Variants in AGBL4 observed in about 807,000 individuals in gnomAD.
AGBL4 encodes cytosolic carboxypeptidase 6.
In AGBL4, 58 loss-of-function variants were observed where a neutral mutation model predicts 66.4. That is an observed-to-expected ratio of 0.87 (90% confidence interval 0.71 to 1.09). The LOEUF is 1.09. AGBL4 is among the 50% of genes least tolerant of loss of function. AGBL4 has a pLI of 0.00. For missense variants in AGBL4, 579 were observed against 631.0 expected, an observed-to-expected ratio of 0.92 and a Z score of 0.88; for synonymous variants, 234 against 222.9, an observed-to-expected ratio of 1.05 and a Z score of -0.44.
intron 3 of AGBL4, among the ~76,000 whole-genome samples, chr1:49,446,714 T>C (rs1646165206): frequency 3.9e-5 from 6 of 152,158 alleles, no homozygotes; most frequent in Admixed American, 3.3e-4. Context: ...ACGATGACAG[T>C]AGCAGTGGTG....
chr1:49,681,003 A>G (rs982263033), intron 3 of AGBL4, among the ~76,000 whole-genome samples: 6 of 151,846 alleles, frequency 4.0e-5, no homozygotes, highest in African/African-American at 1.5e-4. Context: ...CATTCTATTG[A>G]GCACATTCAC....
intron 11 of AGBL4, chr1:48,585,375 C>CT (rs1168242597): frequency 6.6e-6 from 1 of 152,158 alleles, no homozygotes; most frequent in African/African-American, 2.4e-5. Context: ...GTCCCTTTGC[C>CT]ATAATATTAT....
At chr1:48,561,224 C>G (rs1401776137) in intron 11 of AGBL4, among the ~76,000 whole-genome samples, 1 of 151,978 alleles carries the variant, frequency 6.6e-6, no homozygotes, top group Non-Finnish European at 1.5e-5. Flanking sequence ...TTCTTTTATT[C>G]TTTTCTTTTT....
At chr1:50,009,561 G>A (rs1661376336) in intron 1 of AGBL4, among the ~76,000 whole-genome samples, 1 of 151,812 alleles carries the variant, frequency 6.6e-6, no homozygotes, top group African/African-American at 2.4e-5. Context: ...GTAGTATCAT[G>A]CTGAATAGGG....
intron 11 of AGBL4, among the ~76,000 whole-genome samples, chr1:48,574,778 GC>G (rs2148322373): frequency 6.6e-6 from 1 of 152,174 alleles, no homozygotes; most frequent in East Asian, 1.9e-4. Context: ...GTTGGCAGCT[GC>G]CTCCTCTTAT....
At chr1:49,949,421 G>A (rs1054738020) in intron 1 of AGBL4, among the ~76,000 whole-genome samples, 2 of 151,478 alleles carry the variant, frequency 1.3e-5, no homozygotes. Flanking sequence ...AGAGTAAACA[G>A]AATGCTGTGG....
chr1:48,856,923 G>A (rs559562170), intron 6 of AGBL4, among the ~76,000 whole-genome samples: 11 of 152,142 alleles, frequency 7.2e-5, no homozygotes, highest in African/African-American at 2.7e-4. Flanking sequence ...ATTCTGTCTG[G>A]GGAAGAGGAC....
intron 3 of AGBL4, among the ~76,000 whole-genome samples, chr1:49,498,076 C>A (rs1173688516): frequency 6.6e-6 from 1 of 151,672 alleles, no homozygotes; most frequent in Non-Finnish European, 1.5e-5. Flanking sequence ...AGTGTACAGG[C>A]CTTTCATTTC....
chr1:49,950,761 T>A (rs1656083369), intron 1 of AGBL4, among the ~76,000 whole-genome samples: 1 of 151,792 alleles, frequency 6.6e-6, no homozygotes. Flanking sequence ...GAAACCAGTA[T>A]GTCAAAGAGA....
At chr1:49,599,368 T>G (rs1644910637) in intron 3 of AGBL4, among the ~76,000 whole-genome samples, 1 of 152,220 alleles carries the variant, frequency 6.6e-6, no homozygotes, top group East Asian at 1.9e-4. Context: ...CCATTTCACC[T>G]AGATTTTCTA....
intron 5 of AGBL4, among the ~76,000 whole-genome samples, chr1:48,976,335 C>T (rs1436513060): frequency 6.6e-6 from 1 of 152,058 alleles, no homozygotes; most frequent in Non-Finnish European, 1.5e-5. Context: ...TGGACTTTTC[C>T]TGAATATCGA....
intron 3 of AGBL4, among the ~76,000 whole-genome samples, chr1:49,463,877 A>T (rs536832196): frequency 6.6e-6 from 1 of 151,786 alleles, no homozygotes; most frequent in Non-Finnish European, 1.5e-5. Context: ...TCATGCGTTC[A>T]TTCATCCTAT....
chr1:49,288,057 C>G (rs1472166601), intron 3 of AGBL4, among the ~76,000 whole-genome samples: 1 of 137,894 alleles, frequency 7.3e-6, no homozygotes, highest in African/African-American at 2.7e-5. Flanking sequence ...AGTTCATGTC[C>G]TTTGTAGGGA....
chr1:48,954,744 C>G (rs1470999849), intron 5 of AGBL4, among the ~76,000 whole-genome samples: 1 of 152,126 alleles, frequency 6.6e-6, no homozygotes, highest in Non-Finnish European at 1.5e-5. Context: ...TTCTATATGA[C>G]TACCTTTCCT....
At chr1:48,974,383 G>C (rs1056367896) in intron 5 of AGBL4, among the ~76,000 whole-genome samples, 2 of 152,146 alleles carry the variant, frequency 1.3e-5, no homozygotes, top group African/African-American at 4.8e-5. Flanking sequence ...TTTCAGCACA[G>C]CAGCTGGGAC....
chr1:49,251,162 T>C (rs1012924087), intron 3 of AGBL4, among the ~76,000 whole-genome samples: 2 of 152,168 alleles, frequency 1.3e-5, no homozygotes, highest in Admixed American at 1.3e-4. Flanking sequence ...CCATATCTTC[T>C]GTGTGAGCAG....
chr1:49,598,868 T>G (rs1354883221), intron 3 of AGBL4, among the ~76,000 whole-genome samples: 1 of 152,160 alleles, frequency 6.6e-6, no homozygotes, highest in African/African-American at 2.4e-5. Flanking sequence ...TCATGTGGTT[T>G]TTGTCATTGT....
At chr1:49,088,706 GAAC>G (rs1644950595) in intron 4 of AGBL4, among the ~76,000 whole-genome samples, 3 of 152,018 alleles carry the variant, frequency 2.0e-5, no homozygotes, top group African/African-American at 7.2e-5. Flanking sequence ...GGCAGAAAAT[GAAC>G]AAAGATATTC....
intron 4 of AGBL4, among the ~76,000 whole-genome samples, chr1:49,143,259 T>A (rs539824662): frequency 6.6e-6 from 1 of 152,324 alleles, no homozygotes; most frequent in African/African-American, 2.4e-5. Context: ...GGGCACATAC[T>A]GCTGCCTTTG....
Sources: gnomAD v4.1 joint callset for allele counts (sites outside exome capture counted in the v4.1 genomes callset) on GRCh38, gnomAD v4.1.1 for gene constraint, MANE v1.5 for transcripts, NCBI Gene and HGNC (gene_info 2026-07-23, HGNC 2026-07-21) for gene names.